Variants in INSC observed in about 807,000 individuals in gnomAD.
INSC encodes protein inscuteable homolog.
Under a neutral mutation model 58.6 loss-of-function variants are expected in INSC, and 67 were observed. The ratio of observed to expected loss-of-function variants is 1.14; its 90% confidence interval spans 0.94 to 1.40. The LOEUF is 1.40. Among genes scored for constraint, INSC ranks in the 40% most tolerant of loss-of-function variants. The pLI, the probability that INSC is intolerant of heterozygous loss-of-function variation, is 0.00. For synonymous variants in INSC, 262 were observed against 276.1 expected (o/e 0.95, Z 0.51); for missense variants, 714 against 692.0 (o/e 1.03, Z -0.36).
intron 1 of INSC, among the ~76,000 whole-genome samples, chr11:15,120,894 A>G (rs1378353345): frequency 6.6e-6 from 1 of 152,070 alleles, no homozygotes; most frequent in Non-Finnish European, 1.5e-5. Context: ...ATCTCTCTTT[A>G]TTCATGTTTC....
At chr11:15,233,357 A>G (rs931432276) in intron 9 of INSC, among the ~76,000 whole-genome samples, 3 of 152,170 alleles carry the variant, frequency 2.0e-5, no homozygotes, top group Non-Finnish European at 2.9e-5. Flanking sequence ...AACCAGGTAA[A>G]ACAGCTGTCC....
intron 2 of INSC, among the ~76,000 whole-genome samples, chr11:15,173,165 T>C (rs1849458993): frequency 6.6e-6 from 1 of 152,210 alleles, no homozygotes; most frequent in African/African-American, 2.4e-5. Flanking sequence ...ATACGCAATA[T>C]GGAATAGTGT....
intron 2 of INSC, among the ~76,000 whole-genome samples, chr11:15,174,821 C>G (rs1056183391): frequency 6.6e-6 from 1 of 152,174 alleles, no homozygotes; most frequent in Non-Finnish European, 1.5e-5. Context: ...AGATCAAAAT[C>G]TTTTCGAGAG....
the INSC span, among the ~76,000 whole-genome samples, chr11:15,265,229 CTT>C: frequency 1.6e-4 from 25 of 152,124 alleles, 1 homozygote; most frequent in South Asian, 5.2e-3. Context: ...TGCAAATAGA[CTT>C]ATTGCGAAGA....
chr11:15,159,710 A>G (rs1277514953), intron 2 of INSC, among the ~76,000 whole-genome samples: 2 of 152,168 alleles, frequency 1.3e-5, no homozygotes, highest in African/African-American at 2.4e-5. Context: ...GTGATCTCAG[A>G]TATGTTATTT....
chr11:15,218,174 T>C (rs1258579454), intron 7 of INSC, among the ~76,000 whole-genome samples: 1 of 152,134 alleles, frequency 6.6e-6, no homozygotes, highest in Non-Finnish European at 1.5e-5. Flanking sequence ...TGAAATTGAT[T>C]TATATAATGA....
chr11:15,229,966 A>ATATAT (rs1851808925), intron 9 of INSC, among the ~76,000 whole-genome samples: 1 of 12,838 alleles, frequency 7.8e-5, no homozygotes, highest in African/African-American at 3.7e-4. Flanking sequence ...ATATTTATAT[A>ATATAT]TATATATATA....
intron 9 of INSC, among the ~76,000 whole-genome samples, chr11:15,226,209 C>A (rs74731239): frequency 1.1e-3 from 171 of 152,204 alleles, no homozygotes; most frequent in African/African-American, 4.0e-3. Flanking sequence ...TGGAAGGTGC[C>A]TAGACCTCCT....
upstream of INSC, among the ~76,000 whole-genome samples, chr11:15,113,143 T>TTCTTTCTTTCTTTCTTTCTC: frequency 2.1e-4 from 21 of 98,680 alleles, no homozygotes; most frequent in African/African-American, 5.3e-4. Context: ...CTTTCTTTCT[T>TTCTTTCTTTCTTTCTTTCTC]TCTGTCTCTC....
intron 6 of INSC, among the ~76,000 whole-genome samples, chr11:15,200,271 C>A (rs1200034262): frequency 6.6e-6 from 1 of 151,358 alleles, no homozygotes. Flanking sequence ...TTTTTTTGAT[C>A]AAAAAATGGG....
chr11:15,257,051 C>T, the INSC span, among the ~76,000 whole-genome samples: 1 of 151,926 alleles, frequency 6.6e-6, no homozygotes, highest in Non-Finnish European at 1.5e-5. Flanking sequence ...TGGTATTTTC[C>T]AACATTTAAG....
At chr11:15,117,890 A>G (rs758617712) in intron 1 of INSC, among the ~76,000 whole-genome samples, 3 of 152,142 alleles carry the variant, frequency 2.0e-5, no homozygotes, top group Non-Finnish European at 4.4e-5. Flanking sequence ...CAAGGGGGAT[A>G]GTTGAGAATG....
intron 1 of INSC, among the ~76,000 whole-genome samples, chr11:15,140,567 G>T (rs974703000): frequency 2.2e-4 from 33 of 150,626 alleles, no homozygotes; most frequent in Admixed American, 2.0e-3. Flanking sequence ...TCTTTTTTTT[G>T]ATTTCTTTCT....
intron 2 of INSC, among the ~76,000 whole-genome samples, chr11:15,158,860 GTTTT>G (rs529518368): frequency 0.021 from 2,279 of 109,636 alleles, 63 homozygotes; most frequent in African/African-American, 0.075. Context: ...ATTGTTGGTG[GTTTT>G]TTTTTTTTTT....
At chr11:15,209,240 T>G (rs994334211) in intron 7 of INSC, among the ~76,000 whole-genome samples, 1 of 152,198 alleles carries the variant, frequency 6.6e-6, no homozygotes, top group African/African-American at 2.4e-5. Flanking sequence ...ACTTATTCAC[T>G]GTGTGTGTGA....
intron 7 of INSC, among the ~76,000 whole-genome samples, chr11:15,216,482 C>G (rs150434258): frequency 1.3e-5 from 2 of 152,176 alleles, no homozygotes; most frequent in Non-Finnish European, 2.9e-5. Flanking sequence ...TCTGCTTCAT[C>G]TCTGTGTCAC....
chr11:15,256,938 T>C, the INSC span, among the ~76,000 whole-genome samples: 2 of 152,204 alleles, frequency 1.3e-5, no homozygotes, highest in African/African-American at 4.8e-5. Flanking sequence ...GTCTATCCCT[T>C]GAGCTTGGGA....
rs1267684439 is a variant in INSC at position 15,245,925 on chromosome 11, G to C, written c.1484G>C (p.Arg495Thr). ...VLVACLAALR[R>T]LAGVCPEGLQ... is the part of the protein sequence containing the mutation. The stretch of plus-strand genomic sequence containing the variant: ...TCTTCTCCCCAGGCTGCTCTGCGTA[G>C]ATTGGCTGGGGTCTGCCCTGAAGGC... Residue 495 changes from arginine (R) to threonine (T), a missense_variant, in exon 13 of 13, where the codon AGA (arginine) becomes ACA (threonine). Physicochemically the swap from Arg to Thr is moderately conservative, Grantham distance 71. Coordinates refer to ENST00000379556, the MANE Select transcript of INSC (RefSeq NM_001042536.3). 1 of 1,614,056 alleles carries C rather than the reference G, an allele frequency of 6.2e-7. No homozygotes were observed. The highest frequency in any genetic ancestry group is 8.5e-7 in the Non-Finnish European group (1 of 1,179,984).
rs546149475 is a variant in INSC, at chr11:15,200,674, GAGTGTGTGTA to G, written c.694-140_694-131del. 2,782 of 875,206 alleles carry G rather than the reference GAGTGTGTGTA, an allele frequency of 3.2e-3. 42 individuals are homozygous for G. Among genetic ancestry groups the G allele is most frequent in the Middle Eastern group, 0.029 (106 of 3,702 alleles). 54.2% of individuals were successfully genotyped at this position (875,206 alleles called of 1,614,324 possible). On this transcript the variant is annotated intron_variant, in intron 6 of 12. Coordinates refer to ENST00000379556, the MANE Select transcript of INSC (RefSeq NM_001042536.3). ...CTCTGTAGTGTACATGTGAGCATTT[GAGTGTGTGTA>G]AGTGTGTGTGGGGCGGGGGTTGCTG...
Sources: gnomAD v4.1 joint callset for allele counts (sites outside exome capture counted in the v4.1 genomes callset) on GRCh38, gnomAD v4.1.1 for gene constraint, MANE v1.5 for transcripts, NCBI Gene and HGNC (gene_info 2026-07-23, HGNC 2026-07-21) for gene names.